Variants in FBXL20 observed in about 807,000 individuals in gnomAD.
The protein encoded by FBXL20 is F-box and leucine rich repeat protein 20, also known as F-box/LRR-repeat protein 20.
A neutral mutation model predicts 64.0 loss-of-function variants in FBXL20; 11 were observed. That is an observed-to-expected ratio of 0.17 (90% CI 0.11 to 0.28). The LOEUF is 0.28. Among genes scored for constraint, FBXL20 ranks in the 10% least tolerant of loss-of-function variants. FBXL20 has a pLI of 1.00. For synonymous variants in FBXL20, 184 were observed against 189.0 expected (o/e 0.97, Z 0.22); for missense variants, 303 against 526.2 (o/e 0.58, Z 4.15).
chr17:39,317,677 GTTTTTTTTTTTGTTTTTTTTTTTGTTT>G (rs2047307435), intron 2 of FBXL20, among the ~76,000 whole-genome samples: 1 of 115,148 alleles, frequency 8.7e-6, no homozygotes, highest in Non-Finnish European at 2.0e-5. Context: ...GTTTGACTTT[GTTTTTTTTTTTGTTTTTTTTTTTGTTT>G]TTTTTTTTTT....
chr17:39,314,128 C>T (rs768725137), intron 2 of FBXL20, among the ~76,000 whole-genome samples: 10 of 152,134 alleles, frequency 6.6e-5, no homozygotes, highest in Non-Finnish European at 1.2e-4. Flanking sequence ...CACTAATCAA[C>T]ATTATTTCTC....
At chr17:39,270,066 G>A (rs537124570) in intron 11 of FBXL20, among the ~76,000 whole-genome samples, 19 of 152,228 alleles carry the variant, frequency 1.2e-4, no homozygotes, top group African/African-American at 4.3e-4. Context: ...TTATAAACCC[G>A]TCCAAGTATT....
intron 3 of FBXL20, among the ~76,000 whole-genome samples, chr17:39,301,830 C>T (rs943849613): frequency 2.0e-5 from 3 of 151,988 alleles, no homozygotes; most frequent in African/African-American, 7.2e-5. Context: ...GTAAGGGCTG[C>T]AGTGAGCCAT....
At chr17:39,392,499 C>T (rs1352115497) in intron 1 of FBXL20, among the ~76,000 whole-genome samples, 1 of 150,484 alleles carries the variant, frequency 6.6e-6, no homozygotes, top group Non-Finnish European at 1.5e-5. Flanking sequence ...TCAATAAGTG[C>T]AATTCAGTAT....
intron 12 of FBXL20, among the ~76,000 whole-genome samples, chr17:39,266,591 C>A (rs937149286): frequency 2.0e-5 from 3 of 152,300 alleles, no homozygotes; most frequent in Non-Finnish European, 4.4e-5. Context: ...AGGTGATCCA[C>A]CTGCCTCAGG....
chr17:39,307,046 G>A (rs2047189717), intron 2 of FBXL20, among the ~76,000 whole-genome samples: 2 of 152,168 alleles, frequency 1.3e-5, no homozygotes, highest in African/African-American at 4.8e-5. Flanking sequence ...GATACAAAAG[G>A]GGGAAACATC....
chr17:39,402,292 C>G, upstream of FBXL20: 2 of 1,084,232 alleles, frequency 1.8e-6, no homozygotes, highest in South Asian at 4.7e-5. Context: ...TTGCCGCCGC[C>G]GCCGCCTCCC....
chr17:39,362,253 A>G (rs2047803313), intron 1 of FBXL20, among the ~76,000 whole-genome samples: 1 of 151,694 alleles, frequency 6.6e-6, no homozygotes, highest in Admixed American at 6.6e-5. Flanking sequence ...AGACTGCCCC[A>G]CTGCATTGCA....
intron 12 of FBXL20, among the ~76,000 whole-genome samples, chr17:39,267,694 T>C (rs975248874): frequency 1.3e-5 from 2 of 152,176 alleles, no homozygotes; most frequent in East Asian, 1.9e-4. Flanking sequence ...AGCACTTCTT[T>C]TCAAATTCTT....
intron 7 of FBXL20, 104 bp from the exon 8 acceptor site, chr17:39,282,959 A>C (rs1275852357): frequency 7.5e-7 from 1 of 1,330,782 alleles, no homozygotes; most frequent in Non-Finnish European, 1.1e-6. Flanking sequence ...AAACATTCCC[A>C]TTTTTTCCCA....
chr17:39,282,735 G>A lies in FBXL20; in HGVS notation c.615C>T (p.Cys205=). 3.1e-6 allele frequency: 5 copies of A among 1,614,112 alleles called. No individual in the cohort carries two copies. The highest frequency in any genetic ancestry group is 4.2e-6 in the Non-Finnish European group (5 of 1,180,008). ...GGLKALFLKG[C]TQLEDEALKY... The stretch of plus-strand genomic sequence containing the variant: ...GCCCTACATGGAGTATTACCTGCGT[G>A]CAGCCTTTTAAGAATAAGGCCTTGA... Residue 205 remains cysteine, a synonymous_variant, in exon 8 of 15, where the codon TGC becomes TGT. Coordinates refer to ENST00000264658, the MANE Select transcript of FBXL20 (RefSeq NM_032875.3).
At chr17:39,398,806 C>A (rs1177823794) in intron 1 of FBXL20, among the ~76,000 whole-genome samples, 1 of 152,066 alleles carries the variant, frequency 6.6e-6, no homozygotes, top group Non-Finnish European at 1.5e-5. Context: ...TCCTGAGTAG[C>A]TGGAATTACA....
chr17:39,263,293 T>A (rs188510860), intron 14 of FBXL20, among the ~76,000 whole-genome samples: 3 of 152,332 alleles, frequency 2.0e-5, no homozygotes, highest in Admixed American at 2.0e-4. Context: ...GGCAGGCAGA[T>A]CGCTTGAGCT....
chr17:39,358,501 G>A (rs1473494825), intron 1 of FBXL20, among the ~76,000 whole-genome samples: 1 of 151,952 alleles, frequency 6.6e-6, no homozygotes, highest in South Asian at 2.1e-4. Context: ...TGGCCAACAT[G>A]GCGAAACCCT....
At chr17:39,265,637 G>T (rs1001181025) in intron 12 of FBXL20, among the ~76,000 whole-genome samples, 184 bp from the exon 13 acceptor site, 5 of 151,676 alleles carry the variant, frequency 3.3e-5, no homozygotes, top group Non-Finnish European at 5.9e-5. Flanking sequence ...CCCCTGAGTA[G>T]CTGGGACAAC....
intron 2 of FBXL20, among the ~76,000 whole-genome samples, chr17:39,312,918 CTTT>C (rs56972736): frequency 1.8e-5 from 2 of 110,592 alleles, no homozygotes; most frequent in Admixed American, 1.0e-4. Context: ...AAGATAGTTA[CTTT>C]TTTTTTTTTT....
chr17:39,300,951 T>C (rs199636016), intron 4 of FBXL20, 50 bp downstream of exon 4: 45 of 1,530,462 alleles, frequency 2.9e-5, no homozygotes, highest in Non-Finnish European at 4.1e-5. Flanking sequence ...ATCTGTTCCA[T>C]GCTGTAATTA....
chr17:39,325,758 G>C (rs947150539), intron 2 of FBXL20, among the ~76,000 whole-genome samples: 1 of 152,060 alleles, frequency 6.6e-6, no homozygotes, highest in African/African-American at 2.4e-5. Flanking sequence ...GCAGCTAAGG[G>C]TAAAAGAATT....
chr17:39,371,855 G>A (rs1343499012), intron 1 of FBXL20, among the ~76,000 whole-genome samples: 1 of 152,060 alleles, frequency 6.6e-6, no homozygotes, highest in East Asian at 1.9e-4. Context: ...AAGGCTGACG[G>A]TAGCTGTCCA....
Sources: allele counts gnomAD v4.1 joint callset (sites outside exome capture counted in the v4.1 genomes callset), GRCh38; gene constraint gnomAD v4.1.1; transcripts MANE v1.5; gene names NCBI Gene and HGNC (gene_info 2026-07-23, HGNC 2026-07-21).